KIF6: variants seen among roughly 807,000 people sequenced by gnomAD.
The protein encoded by KIF6 is kinesin-like protein KIF6.
A neutral mutation model predicts 112.7 loss-of-function variants in KIF6; 106 were observed. The ratio of observed to expected loss-of-function variants is 0.94; its 90% CI spans 0.80 to 1.11. The LOEUF (loss-of-function observed/expected upper bound fraction) is 1.11, where lower values mean the gene tolerates loss of function less well. Ranked by LOEUF, KIF6 falls within the 50% of genes least tolerant of loss-of-function variation. KIF6 has a pLI of 0.00. For missense variants in KIF6, 929 were observed against 964.0 expected, an observed-to-expected ratio of 0.96 and a Z score of 0.48; for synonymous variants, 339 against 339.9, an observed-to-expected ratio of 1.00 and a Z score of 0.03.
At chr6:39,630,994 C>G (rs542131790) in intron 5 of KIF6, among the ~76,000 whole-genome samples, 97 of 152,100 alleles carry the variant, frequency 6.4e-4, no homozygotes, top group Non-Finnish European at 1.2e-3. Context: ...GAATGTTGAA[C>G]TAGTCTTGCA....
chr6:39,717,342 T>C (rs1350006993), intron 2 of KIF6, among the ~76,000 whole-genome samples: 1 of 152,136 alleles, frequency 6.6e-6, no homozygotes, highest in Non-Finnish European at 1.5e-5. Flanking sequence ...CATAGATCAC[T>C]TTTTCTCAAA....
intron 9 of KIF6, chr6:39,583,546 C>T (rs1781415497): frequency 2.1e-6 from 1 of 466,912 alleles, no homozygotes; most frequent in Non-Finnish European, 4.5e-6. Flanking sequence ...TCTGTCCTTC[C>T]ATGGGGAGAA....
At chr6:39,572,960 A>G (rs1372284596) in intron 10 of KIF6, among the ~76,000 whole-genome samples, 1 of 150,502 alleles carries the variant, frequency 6.6e-6, no homozygotes, top group African/African-American at 2.5e-5. Flanking sequence ...AAAATCTGAT[A>G]GGGCTAGTCA....
intron 3 of KIF6, among the ~76,000 whole-genome samples, chr6:39,687,607 A>G (rs1787949840): frequency 6.6e-6 from 1 of 152,214 alleles, no homozygotes; most frequent in African/African-American, 2.4e-5. Flanking sequence ...TTGGGTGATC[A>G]ACCTTATCTG....
chr6:39,463,680 C>A (rs1027186900), intron 13 of KIF6, among the ~76,000 whole-genome samples: 35 of 152,208 alleles, frequency 2.3e-4, no homozygotes, highest in Admixed American at 2.2e-3. Context: ...CAGATGGCCA[C>A]TTTTTAAATC....
intron 5 of KIF6, among the ~76,000 whole-genome samples, chr6:39,618,677 A>G (rs1783657646): frequency 6.6e-6 from 1 of 152,212 alleles, no homozygotes; most frequent in Non-Finnish European, 1.5e-5. Flanking sequence ...TTAATCCAAT[A>G]TAATGTGGCT....
At chr6:39,536,808 A>C (rs1778458291) in intron 13 of KIF6, among the ~76,000 whole-genome samples, 1 of 152,208 alleles carries the variant, frequency 6.6e-6, no homozygotes, top group Non-Finnish European at 1.5e-5. Flanking sequence ...TTGATGCAAA[A>C]ATCCTCAATA....
intron 10 of KIF6, among the ~76,000 whole-genome samples, chr6:39,577,571 A>C (rs1340214984): frequency 6.6e-6 from 1 of 152,228 alleles, no homozygotes; most frequent in African/African-American, 2.4e-5. Context: ...AAAGCCCTGA[A>C]TACCTGCTTT....
intron 19 of KIF6, among the ~76,000 whole-genome samples, chr6:39,355,880 C>A (rs1047324399): frequency 6.6e-6 from 1 of 151,924 alleles, no homozygotes; most frequent in African/African-American, 2.4e-5. Context: ...CTTCCCCTAT[C>A]GGGCAGTTTT....
At chr6:39,608,383 G>A (rs899742534) in intron 6 of KIF6, among the ~76,000 whole-genome samples, 3 of 152,162 alleles carry the variant, frequency 2.0e-5, no homozygotes, top group Admixed American at 6.6e-5. Context: ...CTACAGTTGG[G>A]CAAAATCATC....
intron 13 of KIF6, among the ~76,000 whole-genome samples, chr6:39,513,055 A>G (rs920909760): frequency 2.4e-4 from 36 of 152,186 alleles, no homozygotes; most frequent in African/African-American, 8.2e-4. Context: ...TCACACAGCT[A>G]TTGAGGGGAT....
intron 3 of KIF6, among the ~76,000 whole-genome samples, chr6:39,700,211 C>A (rs1479649888): frequency 3.9e-5 from 6 of 152,180 alleles, no homozygotes; most frequent in Non-Finnish European, 7.4e-5. Context: ...TGACTATAGT[C>A]ACCCTGTTGT....
intron 13 of KIF6, among the ~76,000 whole-genome samples, chr6:39,487,404 C>T (rs959620554): frequency 1.6e-4 from 25 of 152,152 alleles, no homozygotes; most frequent in African/African-American, 3.6e-4. Flanking sequence ...GCATCCAGCA[C>T]CCAAAGACTG....
At chr6:39,427,327 A>AG (rs1562205812) in intron 14 of KIF6, among the ~76,000 whole-genome samples, 1 of 152,176 alleles carries the variant, frequency 6.6e-6, no homozygotes, top group Non-Finnish European at 1.5e-5. Context: ...TGACCCTATG[A>AG]GCATCTGTGA....
In KIF6 at chr6:39,613,301, T is replaced by A; in HGVS notation, c.527A>T (p.Glu176Val). Reference protein sequence around the residue: ...LEDLPKVTILEDPDQNIHLKN... With the variant: ...LEDLPKVTILVDPDQNIHLKN... Reference sequence around the variant, plus strand: ...CAGGTGAATGTTCTGATCAGGATCCTCCAGTATTGTCACTTTCCTAAGCAA... The same window carrying A: ...CAGGTGAATGTTCTGATCAGGATCCACCAGTATTGTCACTTTCCTAAGCAA... Residue 176 changes from glutamate to valine, a missense_variant, in exon 6 of 23, where the codon GAG becomes GTG. This residue lies in a region of KIF6 where 688 missense variants were observed against 662.7 expected (regional missense o/e 1.04). Coordinates refer to ENST00000287152, the MANE Select transcript of KIF6 (RefSeq NM_145027.6). 6.3e-7 allele frequency: 1 copy of A among 1,591,440 alleles called. No individual in the cohort carries two copies. The highest frequency in any genetic ancestry group is 8.5e-7 in the Non-Finnish European group (1 of 1,170,730).
chr6:39,639,494 A>G (rs986443559), intron 4 of KIF6, 116 bp downstream of exon 4: 2 of 882,614 alleles, frequency 2.3e-6, no homozygotes, highest in Admixed American at 7.3e-5. Flanking sequence ...GTTATGACAC[A>G]ATAAGACTTT....
chr6:39,554,067 G>C (rs937746649), intron 10 of KIF6: 3 of 156,294 alleles, frequency 1.9e-5, no homozygotes, highest in Non-Finnish European at 4.4e-5. Context: ...GAAAGGCATG[G>C]GGCCTGGCTG....
intron 13 of KIF6, among the ~76,000 whole-genome samples, chr6:39,455,028 G>C (rs1020417071): frequency 2.9e-4 from 44 of 150,076 alleles, no homozygotes; most frequent in Middle Eastern, 3.6e-3. Flanking sequence ...ACAGCTCAAG[G>C]AGGCCTGCCT....
intron 15 of KIF6, among the ~76,000 whole-genome samples, chr6:39,405,213 T>C (rs1314952743): frequency 6.6e-6 from 1 of 152,156 alleles, no homozygotes; most frequent in African/African-American, 2.4e-5. Flanking sequence ...TATATATTTT[T>C]CTTGCTTACT....
Sources: gnomAD v4.1 joint callset for allele counts (sites outside exome capture counted in the v4.1 genomes callset) on GRCh38, gnomAD v4.1.1 for gene constraint, gnomAD v4.1.1 regional missense constraint, MANE v1.5 for transcripts, NCBI Gene and HGNC (gene_info 2026-07-23, HGNC 2026-07-21) for gene names.